Variants in HPSE2 observed in about 807,000 individuals in gnomAD.
HPSE2 encodes the protein heparanase 2 (inactive).
In HPSE2, 38 loss-of-function variants were observed where a neutral mutation model predicts 60.5. The ratio of observed to expected loss-of-function variants is 0.63; its 90% confidence interval spans 0.48 to 0.82. The LOEUF is 0.82. Ranked by LOEUF, HPSE2 falls within the 40% of genes least tolerant of loss-of-function variation. The probability of loss-of-function intolerance (pLI) is 0.00; values close to 1 mark genes in which losing one functional copy is unlikely to be tolerated. For synonymous variants in HPSE2, 295 were observed against 293.2 expected, an observed-to-expected ratio of 1.01 and a Z score of -0.06; for missense variants, 713 against 740.4, an observed-to-expected ratio of 0.96 and a Z score of 0.43.
At position 98,780,666 on chromosome 10, in the gene HPSE2, T is replaced by G. The variant is rs1589815700; in HGVS notation, c.611-36610A>C. Among the ~76,000 whole-genome samples, 5 of 152,202 alleles carry G rather than the reference T, an allele frequency of 3.3e-5. No individual in the cohort carries two copies. In the South Asian group the frequency reaches 1.0e-3, roughly 32 times the overall value. On this transcript the variant is annotated intron_variant, in intron 3 of 11. Transcript: ENST00000370552. ...CAAAATAGGCTTTTGATTGCTTGGCTAGGGAAGATGAAAAAAATGCAAGAT... is the reference window on the plus strand; with the variant it reads ...CAAAATAGGCTTTTGATTGCTTGGCGAGGGAAGATGAAAAAAATGCAAGAT...
chr10:98,464,042 G>A (rs931835801), intron 11 of HPSE2, among the ~76,000 whole-genome samples: 11 of 152,018 alleles, frequency 7.2e-5, no homozygotes, highest in South Asian at 2.1e-4. Context: ...GCTTGAATCC[G>A]GGATGCAGAG....
intron 6 of HPSE2, among the ~76,000 whole-genome samples, chr10:98,644,100 C>T (rs920471740): frequency 5.3e-5 from 8 of 152,058 alleles, no homozygotes; most frequent in Non-Finnish European, 1.2e-4. Context: ...GTTGAGGGTC[C>T]CTTCATTCTT....
chr10:98,620,512 CT>C, intron 8 of HPSE2, 89 bp downstream of exon 8: 1 of 921,040 alleles, frequency 1.1e-6, no homozygotes, highest in Non-Finnish European at 1.8e-6. Flanking sequence ...TGCCTCACCC[CT>C]AGGATGGGCA....
chr10:99,080,349 C>G (rs72838828), intron 3 of HPSE2, among the ~76,000 whole-genome samples: 4,751 of 152,104 alleles, frequency 0.031, 115 homozygotes, highest in Middle Eastern at 0.085. Flanking sequence ...TCTTAACTAT[C>G]TAGTAAACAA....
intron 11 of HPSE2, among the ~76,000 whole-genome samples, chr10:98,465,676 G>A (rs770801731): frequency 2.6e-5 from 4 of 152,062 alleles, no homozygotes; most frequent in Admixed American, 6.6e-5. Flanking sequence ...TGTTCACCAG[G>A]ATTATGTTTC....
chr10:99,313,747 C>T, the HPSE2 span, among the ~76,000 whole-genome samples: 1 of 151,502 alleles, frequency 6.6e-6, no homozygotes, highest in African/African-American at 2.4e-5. Flanking sequence ...CTACAGGTGA[C>T]GACCAGCATG....
At chr10:99,210,576 A>G (rs1848920861) in intron 2 of HPSE2, among the ~76,000 whole-genome samples, 1 of 152,220 alleles carries the variant, frequency 6.6e-6, no homozygotes, top group Non-Finnish European at 1.5e-5. Context: ...TTCACCATGA[A>G]CAAGTAGAAT....
At chr10:98,742,223 C>T (rs576206674) in intron 4 of HPSE2, among the ~76,000 whole-genome samples, 1 of 152,148 alleles carries the variant, frequency 6.6e-6, no homozygotes, top group Non-Finnish European at 1.5e-5. Context: ...TAACTATCCC[C>T]AAATTTCCAC....
chr10:98,723,938 GA>G (rs1163348547), intron 4 of HPSE2, among the ~76,000 whole-genome samples: 1 of 152,142 alleles, frequency 6.6e-6, no homozygotes, highest in East Asian at 1.9e-4. Flanking sequence ...CTGATTTTTT[GA>G]AGGGTTTTTT....
intron 5 of HPSE2, among the ~76,000 whole-genome samples, chr10:98,720,032 G>C (rs1042357944): frequency 8.6e-5 from 13 of 151,886 alleles, no homozygotes; most frequent in African/African-American, 3.1e-4. Flanking sequence ...AACTACTCAG[G>C]AATCTATATG....
At chr10:98,981,233 T>C (rs1956197750) in intron 3 of HPSE2, among the ~76,000 whole-genome samples, 1 of 152,222 alleles carries the variant, frequency 6.6e-6, no homozygotes, top group Non-Finnish European at 1.5e-5. Context: ...CTGTTTTCTT[T>C]TTAAAACAAT....
At chr10:99,094,667 C>T (rs1843658305) in intron 3 of HPSE2, among the ~76,000 whole-genome samples, 1 of 147,406 alleles carries the variant, frequency 6.8e-6, no homozygotes, top group Admixed American at 6.8e-5. Flanking sequence ...AGCGATTCTC[C>T]TGCCTCAGCC....
At chr10:98,909,319 C>T (rs1478075985) in intron 3 of HPSE2, among the ~76,000 whole-genome samples, 1 of 151,652 alleles carries the variant, frequency 6.6e-6, no homozygotes, top group Admixed American at 6.6e-5. Flanking sequence ...AGTTCCACAA[C>T]TGGTATTCAA....
At chr10:98,545,809 T>C (rs987244035) in intron 9 of HPSE2, among the ~76,000 whole-genome samples, 4 of 151,146 alleles carry the variant, frequency 2.6e-5, no homozygotes, top group South Asian at 2.1e-4. Flanking sequence ...CCAGGGCAAT[T>C]AGGCAGGAGA....
chr10:99,017,633 C>T (rs1407378111), intron 3 of HPSE2, among the ~76,000 whole-genome samples: 6 of 152,010 alleles, frequency 3.9e-5, no homozygotes, highest in African/African-American at 7.3e-5. Context: ...TGGTAGAAAT[C>T]GGCTGTGAAT....
intron 3 of HPSE2, among the ~76,000 whole-genome samples, chr10:99,019,264 G>A (rs927654858): frequency 7.9e-5 from 12 of 152,192 alleles, no homozygotes; most frequent in South Asian, 2.1e-4. Flanking sequence ...TCAGCATAAC[G>A]ACAGATGAAA....
intron 5 of HPSE2, among the ~76,000 whole-genome samples, chr10:98,703,577 C>G (rs1948469441): frequency 1.3e-5 from 2 of 152,180 alleles, no homozygotes; most frequent in African/African-American, 4.8e-5. Context: ...CCACCGTGAT[C>G]AAGTCGGCTT....
chr10:98,967,376 C>T (rs1314488755), intron 3 of HPSE2, among the ~76,000 whole-genome samples: 1 of 152,330 alleles, frequency 6.6e-6, no homozygotes, highest in Non-Finnish European at 1.5e-5. Context: ...CTTATTTCTA[C>T]AGATTTACCT....
chr10:99,111,639 T>C (rs184455948), intron 3 of HPSE2, among the ~76,000 whole-genome samples: 196 of 152,352 alleles, frequency 1.3e-3, no homozygotes, highest in African/African-American at 4.5e-3. Flanking sequence ...AAAAAAGATA[T>C]GTTACTTACC....
Sources: allele counts gnomAD v4.1 joint callset (sites outside exome capture counted in the v4.1 genomes callset), GRCh38; gene constraint gnomAD v4.1.1; transcripts MANE v1.5; gene names NCBI Gene and HGNC (gene_info 2026-07-23, HGNC 2026-07-21).